Variants in DCAF1 observed in about 807,000 individuals in gnomAD.
DCAF1 encodes the protein DDB1- and CUL4-associated factor 1.
In DCAF1, 15 loss-of-function variants were observed where a neutral mutation model predicts 128.0. The ratio of observed to expected loss-of-function variants is 0.12; its 90% confidence interval spans 0.08 to 0.18. The LOEUF (loss-of-function observed/expected upper bound fraction) is 0.18. Among genes scored for constraint, DCAF1 ranks in the 10% least tolerant of loss-of-function variants. DCAF1 has a pLI of 1.00. For synonymous variants in DCAF1, 610 were observed against 603.0 expected (o/e 1.01, Z -0.17); for missense variants, 988 against 1,649.5 (o/e 0.60, Z 6.95).
chr3:51,486,292 A>G (rs533605943), intron 2 of DCAF1, among the ~76,000 whole-genome samples: 1 of 151,148 alleles, frequency 6.6e-6, no homozygotes, highest in South Asian at 2.1e-4. Context: ...ACCTGGGCTC[A>G]AGTGATCCTC....
At chr3:51,488,493 T>C (rs1476655342) in intron 2 of DCAF1, among the ~76,000 whole-genome samples, 1 of 151,948 alleles carries the variant, frequency 6.6e-6, no homozygotes, top group African/African-American at 2.4e-5. Context: ...CTGGCCAACA[T>C]GGTGAAACCC....
At chr3:51,486,686 T>C (rs1706995640) in intron 2 of DCAF1, among the ~76,000 whole-genome samples, 2 of 152,102 alleles carry the variant, frequency 1.3e-5, no homozygotes, top group Admixed American at 6.6e-5. Context: ...CAGGCTGGAG[T>C]GCAGTGGCAC....
chr3:51,436,561 T>C, intron 9 of DCAF1: 1 of 378,338 alleles, frequency 2.6e-6, no homozygotes, highest in South Asian at 2.0e-5. Flanking sequence ...AATTTTGAAA[T>C]GAGTTCTAGG....
Position 51,420,426 on chromosome 3 carries a change from T to C in DCAF1, c.2544A>G (p.Lys848=). ...VAQSRISFPE[K]ELLLLIRNHL... ...GGTTTCGTATCAACAAAAGCAGCTC[T>C]TTCTCAGGGAAGGAGATCCTTGACT... Residue 848 remains lysine, a synonymous_variant, in exon 15 of 25, where the codon AAA becomes AAG. Transcript: ENST00000684031. The surrounding 1 kb of genome is among the most constrained non-coding windows in gnomAD (Gnocchi z 6.5). 1 of 1,614,062 alleles carries C rather than the reference T, an allele frequency of 6.2e-7. No individual in the cohort carries two copies. The highest frequency in any genetic ancestry group is 8.5e-7 in the Non-Finnish European group (1 of 1,179,906).
intron 2 of DCAF1, among the ~76,000 whole-genome samples, chr3:51,490,046 T>C (rs1281609479): frequency 6.6e-6 from 1 of 151,918 alleles, no homozygotes; most frequent in African/African-American, 2.4e-5. Context: ...AAAAACAATA[T>C]GAAAGTAAAT....
intron 14 of DCAF1, among the ~76,000 whole-genome samples, chr3:51,421,484 T>G (rs1355955543): frequency 6.6e-6 from 1 of 152,218 alleles, no homozygotes; most frequent in Non-Finnish European, 1.5e-5. Flanking sequence ...CTGGAACTCC[T>G]GACCTCAGGT....
At chr3:51,414,977 G>A in intron 18 of DCAF1, 120 bp from the exon 19 acceptor site, 2 of 1,398,674 alleles carry the variant, frequency 1.4e-6, no homozygotes, top group Non-Finnish European at 9.5e-7. Context: ...ATGGATCAAT[G>A]ATTACCACAG....
chr3:51,497,586 C>CA (rs1227474296), intron 1 of DCAF1, among the ~76,000 whole-genome samples: 11 of 147,920 alleles, frequency 7.4e-5, no homozygotes, highest in Non-Finnish European at 1.2e-4. Flanking sequence ...GACTCCGTCT[C>CA]AAAAAAAAGA....
chr3:51,447,217 C>G (rs1442938233), intron 6 of DCAF1, among the ~76,000 whole-genome samples: 1 of 150,880 alleles, frequency 6.6e-6, no homozygotes, highest in Non-Finnish European at 1.5e-5. Context: ...GACCAGCCTC[C>G]TGGCCAACAT....
intron 9 of DCAF1, chr3:51,438,016 T>A (rs1416343463): frequency 8.7e-6 from 3 of 344,160 alleles, no homozygotes; most frequent in African/African-American, 6.6e-5. Flanking sequence ...AAATCTTGGC[T>A]AGTTTTATAC....
At chr3:51,429,881 G>A (rs1700221313) in intron 11 of DCAF1, among the ~76,000 whole-genome samples, 152 bp downstream of exon 11, 1 of 150,564 alleles carries the variant, frequency 6.6e-6, no homozygotes, top group Non-Finnish European at 1.5e-5. Context: ...AGAAATTTGT[G>A]AAGAAAGGGA....
At chr3:51,398,868 G>A in intron 24 of DCAF1, 41 bp from the exon 25 acceptor site, 2 of 1,560,052 alleles carry the variant, frequency 1.3e-6, no homozygotes, top group Non-Finnish European at 1.7e-6. Context: ...TACACACTAG[G>A]CTTATAGGAA....
At position 51,414,717 on chromosome 3, in the gene DCAF1, A is replaced by C; in HGVS notation, c.3744T>G (p.Ser1248=). 1 of 1,614,058 alleles carries C rather than the reference A, an allele frequency of 6.2e-7. No individual in the cohort carries two copies. Among genetic ancestry groups the C allele is most frequent in the Non-Finnish European group, 8.5e-7 (1 of 1,179,904 alleles). Residue 1248 remains serine, a synonymous_variant, in exon 19 of 25, where the codon TCT becomes TCG. Coordinates refer to ENST00000684031, the MANE Select transcript of DCAF1 (RefSeq NM_001387579.1). The stretch of plus-strand genomic sequence containing the variant: ...TGTCAAACTTGTGGATGGCCTGTGC[A>C]GAGCGGACATCCCAGAGGACGCCAT... ...LNDGVLWDVR[S]AQAIHKFDKF...
intron 6 of DCAF1, among the ~76,000 whole-genome samples, chr3:51,447,711 G>A (rs1553640555): frequency 6.6e-6 from 1 of 152,138 alleles, no homozygotes; most frequent in Non-Finnish European, 1.5e-5. Context: ...ACTTCGGGAG[G>A]CCGAGGCGGG....
upstream of DCAF1, among the ~76,000 whole-genome samples, chr3:51,500,577 G>A (rs1387390611): frequency 1.3e-5 from 2 of 152,120 alleles, no homozygotes; most frequent in South Asian, 2.1e-4. Flanking sequence ...GTCTCGCTCT[G>A]TTGCCCAGGC....
At chr3:51,400,449 T>C (rs2089583374) in intron 24 of DCAF1, among the ~76,000 whole-genome samples, 1 of 152,202 alleles carries the variant, frequency 6.6e-6, no homozygotes, top group Non-Finnish European at 1.5e-5. Flanking sequence ...GCTATGCAGC[T>C]CTTAAGAACT....
intron 6 of DCAF1, among the ~76,000 whole-genome samples, chr3:51,444,666 T>G (rs1701672254): frequency 6.7e-6 from 1 of 150,052 alleles, no homozygotes; most frequent in African/African-American, 2.5e-5. Flanking sequence ...AAACTTATTT[T>G]ATTGATTGAT....
At chr3:51,427,075 AAG>A (rs1699969273) in intron 13 of DCAF1, among the ~76,000 whole-genome samples, 1 of 152,214 alleles carries the variant, frequency 6.6e-6, no homozygotes, top group South Asian at 2.1e-4. Context: ...GGCTCAAGAC[AAG>A]ACTTTAACCC....
At chr3:51,409,477 G>T (rs891943049) in intron 23 of DCAF1, among the ~76,000 whole-genome samples, 5 of 152,172 alleles carry the variant, frequency 3.3e-5, no homozygotes, top group African/African-American at 1.2e-4. Context: ...GCCGCCCACT[G>T]CCTTATTAAA....
Sources: allele counts gnomAD v4.1 joint callset (sites outside exome capture counted in the v4.1 genomes callset), GRCh38; gene constraint gnomAD v4.1.1; non-coding constraint Gnocchi (gnomAD v3.1); transcripts MANE v1.5; gene names NCBI Gene and HGNC (gene_info 2026-07-23, HGNC 2026-07-21).